Variants in ESR1 observed in about 807,000 individuals in gnomAD.
The protein encoded by ESR1 is estrogen receptor 1, also known as estrogen receptor.
Under a neutral mutation model 52.7 loss-of-function variants are expected in ESR1, and 12 were observed. That is an observed-to-expected ratio of 0.23 (90% confidence interval 0.15 to 0.37). ESR1 has a LOEUF of 0.37. ESR1 is among the 10% of genes least tolerant of loss of function. The pLI, the probability that ESR1 is intolerant of heterozygous loss-of-function variation, is 1.00. For missense variants in ESR1, 584 were observed against 779.7 expected (o/e 0.75, Z 2.99); for synonymous variants, 305 against 316.8 (o/e 0.96, Z 0.39).
chr6:151,823,483 T>G (rs1780936798), intron 1 of ESR1, among the ~76,000 whole-genome samples: 2 of 152,258 alleles, frequency 1.3e-5, no homozygotes, highest in African/African-American at 4.8e-5. Flanking sequence ...TCTTTTTTTC[T>G]AATTATACTT....
intron 3 of ESR1, among the ~76,000 whole-genome samples, chr6:151,902,159 A>G (rs796689751): frequency 3.3e-5 from 5 of 152,342 alleles, no homozygotes; most frequent in African/African-American, 1.2e-4. Flanking sequence ...ACTGACCACA[A>G]CATCCAGGCA....
At chr6:151,944,545 C>A (rs2128530349) in intron 4 of ESR1, 37 bp downstream of exon 4, 1 of 1,574,558 alleles carries the variant, frequency 6.4e-7, no homozygotes. Flanking sequence ...GAGTCAATAG[C>A]TTTTCAAGAA....
intron 3 of ESR1, among the ~76,000 whole-genome samples, chr6:151,899,435 C>A (rs1312790250): frequency 7.2e-6 from 1 of 138,932 alleles, no homozygotes; most frequent in East Asian, 2.3e-4. Context: ...TGGGCAGAGG[C>A]GCCCCTCACC....
At chr6:151,843,143 C>G (rs536131477) in intron 2 of ESR1, among the ~76,000 whole-genome samples, 3 of 152,310 alleles carry the variant, frequency 2.0e-5, no homozygotes, top group Admixed American at 6.5e-5. Flanking sequence ...TGGTAGGCAA[C>G]TTTGCCTATA....
intron 2 of ESR1, among the ~76,000 whole-genome samples, chr6:151,775,729 A>G (rs1486355331): frequency 9.2e-5 from 14 of 151,514 alleles, no homozygotes; most frequent in African/African-American, 2.9e-4. Context: ...CTGGGTGACA[A>G]ATCGAGACTC....
At chr6:151,787,905 G>A (rs1176868930) in intron 2 of ESR1, among the ~76,000 whole-genome samples, 1 of 151,936 alleles carries the variant, frequency 6.6e-6, no homozygotes, top group Non-Finnish European at 1.5e-5. Context: ...GGTGAGAGAG[G>A]GCATCATTTT....
rs1251119993 is a variant in ESR1, at chr6:152,101,590, CACTAATGG to C, written c.*2627_*2634del. On this transcript the variant is annotated 3_prime_UTR_variant, in exon 8 of 8. Coordinates refer to ENST00000206249, the MANE Select transcript of ESR1 (RefSeq NM_000125.4). ...CTCTTTGTATTTTTACTTGAAGTGC[CACTAATGG>C]ACAGCAGATATTTTCTGGCTGATGT... 8.7e-6 allele frequency: 2 copies of C among 230,326 alleles called. No homozygotes were observed. The highest frequency in any genetic ancestry group is 2.2e-5 in the African/African-American group (1 of 45,136). 14.3% of individuals were successfully genotyped at this position (230,326 alleles called of 1,614,324 possible).
chr6:151,940,613 G>A (rs1176864737), intron 3 of ESR1, among the ~76,000 whole-genome samples: 1 of 152,180 alleles, frequency 6.6e-6, no homozygotes, highest in Non-Finnish European at 1.5e-5. Flanking sequence ...CCTCCAAGAA[G>A]GGAAATATCA....
intron 4 of ESR1, among the ~76,000 whole-genome samples, chr6:151,964,376 C>T (rs1265841014): frequency 6.6e-6 from 1 of 151,962 alleles, no homozygotes. Context: ...TTTTAGTATT[C>T]AGGTGTTTCA....
intron 2 of ESR1, among the ~76,000 whole-genome samples, chr6:151,706,640 C>T (rs552155743): frequency 6.6e-6 from 1 of 152,308 alleles, no homozygotes; most frequent in South Asian, 2.1e-4. Context: ...CAGATCACCC[C>T]TGCAGCCTTG....
chr6:151,804,410 T>C (rs927488225), upstream of ESR1: 7 of 152,238 alleles, frequency 4.6e-5, no homozygotes, highest in Non-Finnish European at 1.0e-4. Context: ...CTGAATACTC[T>C]TGCTTTTTTC....
chr6:152,122,487 G>C lies in ESR1; in HGVS notation c.851-2779G>C, dbSNP rs1290617659. The C allele has an allele frequency of 6.2e-7, 1 of 1,614,170 alleles. No homozygotes were observed. Among genetic ancestry groups the C allele is most frequent in the South Asian group, 1.1e-5 (1 of 91,082 alleles). On this transcript the variant is annotated intron_variant, in intron 6 of 6. Transcript: ENST00000427531. ...ATCTGAGCATGGGGTGGAATGACCGGGCAAAGTTGTTGGAGAGGGCACAGC... is the reference window on the plus strand; with the variant it reads ...ATCTGAGCATGGGGTGGAATGACCGCGCAAAGTTGTTGGAGAGGGCACAGC...
At chr6:152,116,830 T>C (rs977135337) in intron 6 of ESR1, among the ~76,000 whole-genome samples, 1 of 152,134 alleles carries the variant, frequency 6.6e-6, no homozygotes, top group Non-Finnish European at 1.5e-5. Context: ...AAAACAGTAA[T>C]GGCCAGGTAG....
intron 5 of ESR1, among the ~76,000 whole-genome samples, chr6:152,015,158 ACCCAGTGAG>A (rs1005774404): frequency 6.6e-6 from 1 of 152,144 alleles, no homozygotes; most frequent in Non-Finnish European, 1.5e-5. Flanking sequence ...GTCACAGGTG[ACCCAGTGAG>A]CCCTTGTCCA....
chr6:151,721,102 A>C (rs1277303045), intron 2 of ESR1, among the ~76,000 whole-genome samples: 1 of 152,224 alleles, frequency 6.6e-6, no homozygotes, highest in Non-Finnish European at 1.5e-5. Flanking sequence ...ATGGAAACAA[A>C]GGCACAAGAA....
intron 2 of ESR1, among the ~76,000 whole-genome samples, chr6:151,757,556 C>T (rs1486128826): frequency 6.6e-6 from 1 of 152,176 alleles, no homozygotes; most frequent in African/African-American, 2.4e-5. Flanking sequence ...TGGATCCTGA[C>T]CTCAGAATTG....
chr6:151,958,993 T>TGTGTGTGTGTGTGTGC (rs1437735036), intron 4 of ESR1, among the ~76,000 whole-genome samples: 1 of 151,896 alleles, frequency 6.6e-6, no homozygotes, highest in African/African-American at 2.4e-5. Flanking sequence ...TGTGTGTGTG[T>TGTGTGTGTGTGTGTGC]GCGTGTGTGT....
At chr6:151,801,051 G>GGT (rs3062689), upstream of ESR1, among the ~76,000 whole-genome samples, 57,065 of 147,526 alleles carry the variant, frequency 0.39, 10,869 homozygotes, top group Middle Eastern at 0.52. Flanking sequence ...TTGATTATGT[G>GGT]GTGTGTGTGT....
At chr6:151,850,681 G>A (rs1324560651) in intron 2 of ESR1, among the ~76,000 whole-genome samples, 1 of 152,038 alleles carries the variant, frequency 6.6e-6, no homozygotes, top group Non-Finnish European at 1.5e-5. Context: ...TCTGCCTGCT[G>A]TGTGTGACAG....
Sources: allele counts gnomAD v4.1 joint callset (sites outside exome capture counted in the v4.1 genomes callset), GRCh38; gene constraint gnomAD v4.1.1; transcripts MANE v1.5; gene names NCBI Gene and HGNC (gene_info 2026-07-23, HGNC 2026-07-21).